PUS7L: variants seen among roughly 807,000 people sequenced by gnomAD.
PUS7L encodes pseudouridylate synthase PUS7L.
PUS7L carries 49 observed loss-of-function variants against 51.1 expected under a neutral mutation model. That is an observed-to-expected ratio of 0.96 (90% CI 0.76 to 1.22). The LOEUF (loss-of-function observed/expected upper bound fraction) is 1.22. PUS7L is among the 50% of genes most tolerant of loss of function. The pLI is 0.00. For synonymous variants in PUS7L, 277 were observed against 276.2 expected (o/e 1.00, Z -0.03); for missense variants, 828 against 820.6 (o/e 1.01, Z -0.11).
At chr12:43,748,664 A>G in intron 2 of PUS7L, 55 bp from the exon 3 acceptor site, 4 of 1,322,988 alleles carry the variant, frequency 3.0e-6, no homozygotes, top group Non-Finnish European at 3.1e-6. Context: ...TACATCAATT[A>G]CATTCTTAGC....
At chr12:43,743,343 T>C (rs1937997286) in intron 4 of PUS7L, among the ~76,000 whole-genome samples, 1 of 152,064 alleles carries the variant, frequency 6.6e-6, no homozygotes, top group Non-Finnish European at 1.5e-5. Flanking sequence ...ATGAGGAGAG[T>C]ATGCATTTAT....
intron 4 of PUS7L, among the ~76,000 whole-genome samples, chr12:43,743,018 G>A (rs909676941): frequency 7.9e-5 from 12 of 152,208 alleles, no homozygotes; most frequent in African/African-American, 2.2e-4. Context: ...CATAACGTTC[G>A]TTCTTTAGTT....
rs1823837831 is a variant in PUS7L at position 43,728,403 on chromosome 12, G to C, written c.*1973C>G. 6.6e-6 allele frequency: 1 copy of C among 151,936 alleles called. No homozygotes were observed. Among genetic ancestry groups the C allele is most frequent in the Non-Finnish European group, 1.5e-5 (1 of 67,934 alleles). 9.4% of individuals were successfully genotyped at this position (151,936 alleles called of 1,614,324 possible). On this transcript the variant is annotated 3_prime_UTR_variant, in exon 9 of 9. Coordinates refer to ENST00000344862, the MANE Select transcript of PUS7L (RefSeq NM_031292.5). ...TTTCATGCTTTCGTATTTTCTGATT[G>C]CTATTCAAAACTTTTAAAAACTAGG...
In PUS7L at chr12:43,742,577, C is replaced by G. The variant is rs1383994303; in HGVS notation, c.1264-22G>C. 3 of 1,547,248 alleles carry G rather than the reference C, an allele frequency of 1.9e-6. No homozygotes were observed. In the Admixed American group the frequency reaches 6.2e-5, roughly 32 times the overall value. On this transcript the variant is annotated intron_variant, in intron 4 of 8. Coordinates refer to ENST00000344862, the MANE Select transcript of PUS7L (RefSeq NM_031292.5). ...TTTTCTATGTATACAAAATAATCAA[C>G]AAATTAAGAGTATATAAATACAATT...
Position 43,721,939 on chromosome 12 carries a change from T to C in PUS7L, c.*8437A>G, listed in dbSNP as rs1944401792. The C allele has an allele frequency of 6.6e-6, 1 of 152,192 alleles. No individual in the cohort carries two copies. The highest frequency in any genetic ancestry group is 6.5e-5 in the Admixed American group (1 of 15,280). The allele number at this position is 152,192 out of a possible 1,614,324, so 9.4% of individuals were successfully genotyped here. ...GGTGCACAACATATAGTCTATTCAG[T>C]GTTCCCAAGGGAAAAATAAATTACC... On this transcript the variant is annotated 3_prime_UTR_variant, in exon 9 of 9. Coordinates refer to ENST00000344862, the MANE Select transcript of PUS7L (RefSeq NM_031292.5).
intron 6 of PUS7L, 126 bp downstream of exon 6, chr12:43,738,184 A>G (rs1210762112): frequency 4.6e-6 from 3 of 658,906 alleles, no homozygotes; most frequent in East Asian, 2.9e-5. Context: ...AGTGTTCAGT[A>G]TGTAATATAC....
At position 43,736,540 on chromosome 12, in the gene PUS7L, TAA is replaced by T. The variant is rs780360527; in HGVS notation, c.1564_1565del (p.Leu522ThrfsTer19). 6.2e-7 allele frequency: 1 copy of T among 1,614,120 alleles called. No homozygotes were observed. The highest frequency in any genetic ancestry group is 2.2e-5 in the East Asian group (1 of 44,886). ...EEGCIQAWFS[L>X]PHSMRIFYVH... is the part of the protein sequence containing the mutation. ...CATAGAATATGCGCATGGAATGGGG[TAA>T]AGAGAACCATGCCTGGATACAACCT... On this transcript the variant is annotated frameshift_variant, in exon 7 of 9. Coordinates refer to ENST00000344862, the MANE Select transcript of PUS7L (RefSeq NM_031292.5). LOFTEE classifies it high-confidence loss of function.
intron 4 of PUS7L, among the ~76,000 whole-genome samples, chr12:43,743,295 C>T (rs117903595): frequency 0.018 from 2,799 of 152,318 alleles, 55 homozygotes; most frequent in South Asian, 0.071. Flanking sequence ...CAGGCCCAGA[C>T]AGTTTCTTGA....
Position 43,722,328 on chromosome 12 carries a change from A to G in PUS7L, c.*8048T>C, listed in dbSNP as rs1490679505. On this transcript the variant is annotated 3_prime_UTR_variant, in exon 9 of 9. Coordinates refer to ENST00000344862, the MANE Select transcript of PUS7L (RefSeq NM_031292.5). ...TGACATTTCTACTTTTTGGAGAACA[A>G]TTGACATAGTAAACAAGATGGACTG... The G allele has an allele frequency of 6.6e-6, 1 of 152,158 alleles. No individual in the cohort carries two copies. Among genetic ancestry groups the G allele is most frequent in the Non-Finnish European group, 1.5e-5 (1 of 67,986 alleles). The allele number at this position is 152,158 out of a possible 1,614,324, so 9.4% of individuals were successfully genotyped here.
rs1944521623 is a variant in PUS7L at position 43,730,392 on chromosome 12, A to G, written c.2090T>C (p.Met697Thr). The G allele has an allele frequency of 6.2e-7, 1 of 1,613,134 alleles. No homozygotes were observed. The highest frequency in any genetic ancestry group is 1.3e-5 in the African/African-American group (1 of 74,918). Reference protein sequence around the residue: ...CYATVCLKEIMKHDV With the variant: ...CYATVCLKEITKHDV ...GTATCAGTTTTAAACGTCATGCTTC[A>G]TTATTTCCTTCAGACAAACGGTAGC... The change falls in exon 9 of 9, where the codon ATG becomes ACG. Residue 697 changes from methionine (M) to threonine (T), a missense_variant. Coordinates refer to ENST00000344862, the MANE Select transcript of PUS7L (RefSeq NM_031292.5).
At chr12:43,755,291 T>C in intron 1 of PUS7L, 30 bp from the exon 2 acceptor site, 1 of 1,395,400 alleles carries the variant, frequency 7.2e-7, no homozygotes, top group Middle Eastern at 1.9e-4. Flanking sequence ...GGTGGTTAGT[T>C]AACAGAAAGA....
At chr12:43,746,313 C>T in intron 3 of PUS7L, 75 bp from the exon 4 acceptor site, 1 of 635,110 alleles carries the variant, frequency 1.6e-6, no homozygotes, top group Non-Finnish European at 2.5e-6. Context: ...TTTTAAGTGG[C>T]AGTTGCCAAG....
chr12:43,746,761 C>CT (rs1938191248), intron 3 of PUS7L, among the ~76,000 whole-genome samples: 1 of 152,098 alleles, frequency 6.6e-6, no homozygotes, highest in Non-Finnish European at 1.5e-5. Flanking sequence ...CCTTTATAGC[C>CT]ATATTTTCCA....
At chr12:43,749,444 G>A (rs528294319) in intron 2 of PUS7L, among the ~76,000 whole-genome samples, 10 of 152,304 alleles carry the variant, frequency 6.6e-5, no homozygotes, top group African/African-American at 9.6e-5. Flanking sequence ...GGCACTCTGG[G>A]AGGCTGAGGC....
rs1170814458 is a variant in PUS7L at position 43,725,739 on chromosome 12, A to G, written c.*4637T>C. 6.6e-6 allele frequency: 1 copy of G among 152,130 alleles called. No individual in the cohort carries two copies. The highest frequency in any genetic ancestry group is 1.5e-5 in the Non-Finnish European group (1 of 67,998). The allele number at this position is 152,130 out of a possible 1,614,324, so 9.4% of individuals were successfully genotyped here. On this transcript the variant is annotated 3_prime_UTR_variant, in exon 9 of 9. Transcript: ENST00000344862. ...TGTTCTCAGAAGGCAAATGTTAGGTAGATGAAAACAGTACTGATTTAAGAA... is the reference window on the plus strand; with the variant it reads ...TGTTCTCAGAAGGCAAATGTTAGGTGGATGAAAACAGTACTGATTTAAGAA...
In PUS7L at chr12:43,724,220, T is replaced by G. The variant is rs1057061931; in HGVS notation, c.*6156A>C. On this transcript the variant is annotated 3_prime_UTR_variant, in exon 9 of 9. Coordinates refer to ENST00000344862, the MANE Select transcript of PUS7L (RefSeq NM_031292.5). ...TAGAAAACGTTAAGGAACATTGACC[T>G]AGACAGCTCTTAAAGATCCTAATTT... 1 of 151,892 alleles carries G rather than the reference T, an allele frequency of 6.6e-6. No individual in the cohort carries two copies. The highest frequency in any genetic ancestry group is 2.4e-5 in the African/African-American group (1 of 41,412). The allele number at this position is 151,892 out of a possible 1,614,324, so 9.4% of individuals were successfully genotyped here. A position where few individuals can be genotyped will look rare whatever the true frequency, so the allele number is the denominator to read the frequency against.
Position 43,736,463 on chromosome 12 carries a change from T to G in PUS7L, c.1643A>C (p.Glu548Ala). Residue 548 changes from glutamate to alanine, a missense_variant, in exon 7 of 9, where the codon GAA (glutamate) becomes GCA (alanine). Transcript: ENST00000344862. ...CTGCACTACTCTTGCTCCATAGGTT[T>G]CAAGTCTGTAAGATACTGCCTCATT... ...IWNEAVSYRLETYGARVVQGD... is the reference protein window; with the variant it reads ...IWNEAVSYRLATYGARVVQGD... 2 of 1,614,232 alleles carry G rather than the reference T, an allele frequency of 1.2e-6. No homozygotes were observed. The highest frequency in any genetic ancestry group is 1.7e-6 in the Non-Finnish European group (2 of 1,180,030).
intron 1 of PUS7L, among the ~76,000 whole-genome samples, chr12:43,757,295 C>T (rs577021812): frequency 2.0e-4 from 30 of 152,152 alleles, no homozygotes; most frequent in Non-Finnish European, 3.7e-4. Context: ...TTCAGCCTCC[C>T]GAGTAGCTGG....
At chr12:43,735,892 T>C (rs1247931412) in intron 7 of PUS7L, among the ~76,000 whole-genome samples, 1 of 152,162 alleles carries the variant, frequency 6.6e-6, no homozygotes, top group African/African-American at 2.4e-5. Flanking sequence ...TTCTCCTGCC[T>C]CAGCCTCCTG....
Sources: allele counts gnomAD v4.1 joint callset (sites outside exome capture counted in the v4.1 genomes callset), GRCh38; gene constraint gnomAD v4.1.1; transcripts MANE v1.5; gene names NCBI Gene and HGNC (gene_info 2026-07-23, HGNC 2026-07-21).